ST3GAL5: variants seen among roughly 807,000 people sequenced by gnomAD.
ST3GAL5 encodes ST3 beta-galactoside alpha-2,3-sialyltransferase 5, also known as lactosylceramide alpha-2,3-sialyltransferase.
In ST3GAL5, 25 loss-of-function variants were observed where a neutral mutation model predicts 46.1. The ratio of observed to expected loss-of-function variants is 0.54; its 90% CI spans 0.40 to 0.76. The LOEUF is 0.76. Among genes scored for constraint, ST3GAL5 ranks in the 30% least tolerant of loss-of-function variants. ST3GAL5 has a pLI of 0.00. For synonymous variants in ST3GAL5, 182 were observed against 192.7 expected (o/e 0.94, Z 0.46); for missense variants, 431 against 521.2 (o/e 0.83, Z 1.69).
intron 6 of ST3GAL5, among the ~76,000 whole-genome samples, chr2:85,841,490 T>A (rs1682092394): frequency 6.6e-6 from 1 of 152,064 alleles, no homozygotes; most frequent in Non-Finnish European, 1.5e-5. Flanking sequence ...TGTGCCACCA[T>A]GCCCAGCTAC....
Position 85,847,948 on chromosome 2 carries a change from C to T in ST3GAL5, c.575G>A (p.Cys192Tyr). 6.2e-7 allele frequency: 1 copy of T among 1,614,152 alleles called. No individual in the cohort carries two copies. The highest frequency in any genetic ancestry group is 8.5e-7 in the Non-Finnish European group (1 of 1,180,028). Residue 192 changes from cysteine to tyrosine, a missense_variant, in exon 4 of 7, where the codon TGT becomes TAT. Coordinates refer to ENST00000638572, the MANE Select transcript of ST3GAL5 (RefSeq NM_003896.4). ...DLPEHLKAKT[C>Y]RRCVVIGSGG... ...GCTTCCAATAACCACACAGCGCCGA[C>T]AGGTCTTGGCTTTCAAGTGTTCAGG...
chr2:85,867,830 T>C (rs991943904), intron 1 of ST3GAL5: 9 of 631,088 alleles, frequency 1.4e-5, no homozygotes, highest in Non-Finnish European at 2.6e-5. Flanking sequence ...ACAGTAAGTA[T>C]ATGAAAGTAG....
intron 3 of ST3GAL5, chr2:85,849,029 T>C (rs974882612): frequency 2.0e-5 from 3 of 152,674 alleles, no homozygotes. Flanking sequence ...CCAGCCTGCA[T>C]TTCCATATGC....
At chr2:85,872,125 G>A (rs1356315043) in intron 1 of ST3GAL5, among the ~76,000 whole-genome samples, 1 of 152,148 alleles carries the variant, frequency 6.6e-6, no homozygotes, top group Non-Finnish European at 1.5e-5. Flanking sequence ...CTGGTGAGGG[G>A]GACGGGGAAG....
At chr2:85,851,349 C>A in intron 3 of ST3GAL5, 4 of 1,175,822 alleles carry the variant, frequency 3.4e-6, no homozygotes, top group Non-Finnish European at 4.3e-6. Flanking sequence ...CTGGCAACGT[C>A]TAAAGCCACA....
rs78502945 is a variant in ST3GAL5, at chr2:85,843,655, C to T, written c.1008+741G>A. Among the ~76,000 whole-genome samples the T allele has an allele frequency of 3.8e-3, 578 of 152,254 alleles. 1 individual carries two copies. Among genetic ancestry groups the T allele is most frequent in the African/African-American group, 0.013 (534 of 41,536 alleles). ...CTCATTGTACATGTGATAATTTCCA[C>T]ACAGGTCTTAAGTTTTAAAGACACC... On this transcript the variant is annotated intron_variant, in intron 6 of 6. Transcript: ENST00000638572.
chr2:85,852,130 T>C (rs2103988649), intron 3 of ST3GAL5, among the ~76,000 whole-genome samples: 1 of 152,354 alleles, frequency 6.6e-6, no homozygotes, highest in African/African-American at 2.4e-5. Context: ...GTAAGTGGCA[T>C]AATTCTTAGT....
At chr2:85,849,092 G>C (rs907529457) in intron 3 of ST3GAL5, 3 of 152,276 alleles carry the variant, frequency 2.0e-5, no homozygotes, top group African/African-American at 7.2e-5. Context: ...AAAACTCAGA[G>C]GAAAGGCGGG....
rs1681835024 is a variant in ST3GAL5 at position 85,840,146 on chromosome 2, A to G, written c.1255T>C (p.Ter419ArgextTer38). 1.2e-6 allele frequency: 2 copies of G among 1,614,216 alleles called. No homozygotes were observed. The highest frequency in any genetic ancestry group is 1.7e-6 in the Non-Finnish European group (2 of 1,180,024). The change falls in exon 7 of 7, where the codon TGA becomes CGA. Residue 419 changes from the stop codon to arginine (R), a stop_lost. Transcript: ENST00000638572. The stretch of plus-strand genomic sequence containing the variant: ...TTTTCAACTGAGGTTTTCTGTGTTC[A>G]AAATTCACGATCAATGCCTCCACTG... ...DLSGGIDREF[*>R]
chr2:85,843,916 T>C (rs1682449368), intron 6 of ST3GAL5, among the ~76,000 whole-genome samples: 1 of 152,210 alleles, frequency 6.6e-6, no homozygotes, highest in South Asian at 2.1e-4. Context: ...TGAAAAACAC[T>C]GTTCTTGAGG....
At chr2:85,869,652 T>A (rs1447964547) in intron 1 of ST3GAL5, among the ~76,000 whole-genome samples, 5 of 152,188 alleles carry the variant, frequency 3.3e-5, no homozygotes, top group African/African-American at 1.2e-4. Context: ...GACCACACGT[T>A]TGCTGAACTG....
intron 1 of ST3GAL5, among the ~76,000 whole-genome samples, chr2:85,880,153 G>A (rs577007074): frequency 6.6e-6 from 1 of 152,244 alleles, no homozygotes; most frequent in South Asian, 2.1e-4. Flanking sequence ...CCTAGAAAAG[G>A]AACTGGAGGG....
chr2:85,851,752 G>A, intron 3 of ST3GAL5: 1 of 1,287,506 alleles, frequency 7.8e-7, no homozygotes, highest in Non-Finnish European at 1.0e-6. Flanking sequence ...GGACTCCAGA[G>A]CTCCCAGGAA....
intron 3 of ST3GAL5, chr2:85,855,222 A>G (rs1683968696): frequency 6.6e-6 from 1 of 152,212 alleles, no homozygotes; most frequent in South Asian, 2.1e-4. Flanking sequence ...GTGGTAGTGA[A>G]TGGGTCTCAT....
intron 1 of ST3GAL5, among the ~76,000 whole-genome samples, chr2:85,882,620 G>T (rs1026690703): frequency 2.0e-5 from 3 of 152,056 alleles, no homozygotes; most frequent in Admixed American, 6.6e-5. Flanking sequence ...CTTGAGGTCA[G>T]GAGTTCAAGA....
At chr2:85,885,929 T>C (rs1461851239) in intron 1 of ST3GAL5, among the ~76,000 whole-genome samples, 1 of 151,296 alleles carries the variant, frequency 6.6e-6, no homozygotes, top group African/African-American at 2.4e-5. Context: ...TGCAGACACA[T>C]ATGTACCAAA....
chr2:85,852,860 C>A (rs1382152460), intron 3 of ST3GAL5: 4 of 1,303,800 alleles, frequency 3.1e-6, no homozygotes. Context: ...GTTTTCTTAC[C>A]TCTAAGATAT....
chr2:85,854,702 C>T (rs1683905099), intron 3 of ST3GAL5: 2 of 152,210 alleles, frequency 1.3e-5, no homozygotes, highest in African/African-American at 2.4e-5. Context: ...CCCCTTCCCC[C>T]TGAAGTTGAA....
rs1685242772 is a variant in ST3GAL5, at chr2:85,865,925, T to C, written c.83-2440A>G. 1.3e-5 allele frequency: 2 copies of C among 152,272 alleles called. 1 individual carries two copies. The highest frequency in any genetic ancestry group is 4.1e-4 in the South Asian group (2 of 4,830). The allele number at this position is 152,272 out of a possible 1,614,324, so 9.4% of individuals were successfully genotyped here. On this transcript the variant is annotated intron_variant, in intron 1 of 6. Transcript: ENST00000638572. ...GAAAGACTGGGAGGCAATCTTTCTT[T>C]TCCCCTGACTTGGTGAAGCTTTGGA...
Sources: allele counts gnomAD v4.1 joint callset (sites outside exome capture counted in the v4.1 genomes callset), GRCh38; gene constraint gnomAD v4.1.1; transcripts MANE v1.5; gene names NCBI Gene and HGNC (gene_info 2026-07-23, HGNC 2026-07-21).